Variants in XNDC1N observed in about 807,000 individuals in gnomAD.
The protein encoded by XNDC1N is XRCC1 N-terminal domain containing 1, N-terminal like.
the XNDC1N span, among the ~76,000 whole-genome samples, chr11:71,922,122 T>C: frequency 6.6e-6 from 1 of 152,170 alleles, no homozygotes; most frequent in African/African-American, 2.4e-5. Flanking sequence ...ATCACACCAC[T>C]ACACTCCAGC....
the XNDC1N span, among the ~76,000 whole-genome samples, chr11:71,867,546 T>C: frequency 6.6e-6 from 1 of 152,180 alleles, no homozygotes; most frequent in African/African-American, 2.4e-5. Context: ...CAAAAGTCAT[T>C]CCCAAAAGTC....
chr11:71,878,347 G>T, the XNDC1N span: 19 of 1,245,096 alleles, frequency 1.5e-5, no homozygotes, highest in African/African-American at 2.1e-4. Context: ...CTCCTGAAAG[G>T]TTCAATAATC....
chr11:71,919,376 G>A, the XNDC1N span, among the ~76,000 whole-genome samples: 2 of 136,772 alleles, frequency 1.5e-5, no homozygotes, highest in South Asian at 2.4e-4. Flanking sequence ...TCCAGGTTTC[G>A]GAAAGCAGAG....
the XNDC1N span, among the ~76,000 whole-genome samples, chr11:71,880,154 TAAGTC>T: frequency 6.6e-6 from 1 of 152,178 alleles, no homozygotes; most frequent in South Asian, 2.1e-4. Flanking sequence ...AAAAGATAAA[TAAGTC>T]AATTGATAAT....
chr11:71,906,242 A>T, the XNDC1N span, among the ~76,000 whole-genome samples: 2 of 151,916 alleles, frequency 1.3e-5, no homozygotes, highest in Non-Finnish European at 1.5e-5. Flanking sequence ...ATAATGTCAC[A>T]GGGTGTTATC....
the XNDC1N span, among the ~76,000 whole-genome samples, chr11:71,913,685 A>AG: frequency 6.8e-6 from 1 of 147,920 alleles, no homozygotes; most frequent in African/African-American, 2.6e-5. Flanking sequence ...AAAAAAAAAA[A>AG]AAAGAAAAAC....
chr11:71,886,173 T>A, the XNDC1N span, among the ~76,000 whole-genome samples: 1 of 151,950 alleles, frequency 6.6e-6, no homozygotes, highest in African/African-American at 2.4e-5. Flanking sequence ...CCTGCGTCAA[T>A]CTTCTCAACT....
At chr11:71,877,757 CCT>C in the XNDC1N span, among the ~76,000 whole-genome samples, 1 of 152,172 alleles carries the variant, frequency 6.6e-6, no homozygotes, top group South Asian at 2.1e-4. Flanking sequence ...GTAATTTGTG[CCT>C]CTCTGTCAGA....
the XNDC1N span, among the ~76,000 whole-genome samples, chr11:71,891,946 C>T: frequency 1.3e-5 from 2 of 151,844 alleles, no homozygotes; most frequent in South Asian, 2.1e-4. Context: ...TCTCCACCTC[C>T]GGATATTAAG....
At chr11:71,895,767 A>G in the XNDC1N span, among the ~76,000 whole-genome samples, 1 of 152,238 alleles carries the variant, frequency 6.6e-6, no homozygotes, top group South Asian at 2.1e-4. Flanking sequence ...GAAGTTTCAC[A>G]TTCCGAGACA....
At chr11:71,902,704 G>C in the XNDC1N span, among the ~76,000 whole-genome samples, 1 of 152,196 alleles carries the variant, frequency 6.6e-6, no homozygotes. Context: ...TTTCCAGATG[G>C]CATGGTCTCA....
chr11:71,911,239 C>T, the XNDC1N span, among the ~76,000 whole-genome samples: 7 of 152,248 alleles, frequency 4.6e-5, no homozygotes, highest in Non-Finnish European at 7.3e-5. Flanking sequence ...CATTGGCTAA[C>T]GAATGCCAGA....
the XNDC1N span, among the ~76,000 whole-genome samples, chr11:71,918,528 C>T: frequency 5.9e-5 from 9 of 152,268 alleles, no homozygotes; most frequent in Middle Eastern, 3.4e-3. Flanking sequence ...GGGATCCTCC[C>T]GCCTTCGCCT....
chr11:71,914,301 T>C, the XNDC1N span: 34 of 456,066 alleles, frequency 7.5e-5, no homozygotes, highest in Non-Finnish European at 1.2e-4. Context: ...AGCATCAACA[T>C]GAATGTGAAT....
At chr11:71,881,376 C>G in the XNDC1N span, among the ~76,000 whole-genome samples, 2 of 152,062 alleles carry the variant, frequency 1.3e-5, no homozygotes, top group Admixed American at 1.3e-4. Flanking sequence ...TAATAAAGTA[C>G]CACATAATGG....
At chr11:71,888,741 C>T in the XNDC1N span, among the ~76,000 whole-genome samples, 1 of 152,230 alleles carries the variant, frequency 6.6e-6, no homozygotes, top group Non-Finnish European at 1.5e-5. Context: ...GCCTCCCGTG[C>T]TGTCGTGACT....
the XNDC1N span, among the ~76,000 whole-genome samples, chr11:71,911,884 G>C: frequency 6.6e-6 from 1 of 152,174 alleles, no homozygotes; most frequent in African/African-American, 2.4e-5. Context: ...CTGGGCATCA[G>C]TGCTCCCTCA....
At chr11:71,900,559 T>A in the XNDC1N span, among the ~76,000 whole-genome samples, 1 of 152,124 alleles carries the variant, frequency 6.6e-6, no homozygotes, top group East Asian at 1.9e-4. Flanking sequence ...AAAATTTTGC[T>A]CTCCTCCCCC....
chr11:71,900,602 T>A, the XNDC1N span, among the ~76,000 whole-genome samples: 1 of 152,188 alleles, frequency 6.6e-6, no homozygotes. Flanking sequence ...ATCTCACTCA[T>A]GATAGCAGGG....
Sources: gnomAD v4.1 joint callset for allele counts (sites outside exome capture counted in the v4.1 genomes callset) on GRCh38, gnomAD v4.1.1 for gene constraint, MANE v1.5 for transcripts, NCBI Gene and HGNC (gene_info 2026-07-23, HGNC 2026-07-21) for gene names.